Variants in RNF125 observed in about 807,000 individuals in gnomAD.
RNF125 encodes the protein ring finger protein 125, also known as E3 ubiquitin-protein ligase RNF125.
Under a neutral mutation model 26.0 loss-of-function variants are expected in RNF125, and 21 were observed. The observed-to-expected ratio is 0.81, with a 90% CI of 0.57 to 1.16. The LOEUF (loss-of-function observed/expected upper bound fraction) is 1.16, where lower values mean the gene tolerates loss of function less well. Ranked by LOEUF, RNF125 falls within the 50% of genes most tolerant of loss-of-function variation. The pLI is 0.00. For synonymous variants in RNF125, 95 were observed against 109.2 expected, an observed-to-expected ratio of 0.87 and a Z score of 0.81; for missense variants, 270 against 299.4, an observed-to-expected ratio of 0.90 and a Z score of 0.72.
chr18:32,041,620 C>CTTTTTTTTTTTTTTTTTTTT (rs60264747), intron 2 of RNF125, among the ~76,000 whole-genome samples: 1 of 93,280 alleles, frequency 1.1e-5, no homozygotes, highest in South Asian at 3.8e-4. Context: ...AATGTAGATG[C>CTTTTTTTTTTTTTTTTTTTT]TTTTTTTTTT....
At chr18:32,032,606 A>C (rs764392744) in intron 1 of RNF125, among the ~76,000 whole-genome samples, 5 of 152,122 alleles carry the variant, frequency 3.3e-5, no homozygotes, top group Non-Finnish European at 4.4e-5. Context: ...CAGTATTTCA[A>C]GCAGGACGTG....
intron 4 of RNF125, among the ~76,000 whole-genome samples, chr18:32,056,717 AAAG>A (rs1303268398): frequency 2.6e-5 from 4 of 151,976 alleles, no homozygotes; most frequent in South Asian, 4.1e-4. Flanking sequence ...AATTTAAAAA[AAAG>A]AGCAAAAGGA....
At chr18:32,052,552 G>A (rs2039339450) in intron 4 of RNF125, among the ~76,000 whole-genome samples, 1 of 151,438 alleles carries the variant, frequency 6.6e-6, no homozygotes, top group African/African-American at 2.4e-5. Flanking sequence ...TTACATAGGT[G>A]CCTGTGAATA....
intron 4 of RNF125, among the ~76,000 whole-genome samples, chr18:32,048,860 G>A (rs976302377): frequency 6.6e-6 from 1 of 152,144 alleles, no homozygotes; most frequent in Non-Finnish European, 1.5e-5. Context: ...GGGAGCTAGA[G>A]GAAGTTAGAA....
In RNF125 at chr18:32,021,758, A is replaced by G. The variant is rs180906023; in HGVS notation, c.164+2731A>G. ...TGAATATTATAATTTACCATTTACA[A>G]TATTTTTCCTTCTACTAAAGGATAA... On this transcript the variant is annotated intron_variant, in intron 1 of 5. Coordinates refer to ENST00000217740, the MANE Select transcript of RNF125 (RefSeq NM_017831.4). Among the ~76,000 whole-genome samples, 64 of 152,316 alleles carry G rather than the reference A, an allele frequency of 4.2e-4. 1 individual carries two copies. The highest frequency in any genetic ancestry group is 1.3e-3 in the African/African-American group (52 of 41,586).
the RNF125 span, among the ~76,000 whole-genome samples, chr18:32,087,230 C>T: frequency 6.6e-6 from 1 of 151,648 alleles, no homozygotes; most frequent in East Asian, 2.0e-4. Context: ...TTGCGGTTCC[C>T]AGAGCCCACT....
At position 32,071,150 on chromosome 18, in the gene RNF125, T is replaced by A. The variant is rs535089728; in HGVS notation, c.*2766T>A. ...TGCCCCCAGTTTTGTTTTGTTTTGT[T>A]TTGAGGAGGAATCTTGCTCTGTTGC... is the stretch of plus-strand genomic sequence containing the variant. On this transcript the variant is annotated 3_prime_UTR_variant, in exon 6 of 6. Coordinates refer to ENST00000217740, the MANE Select transcript of RNF125 (RefSeq NM_017831.4). 1 of 151,132 alleles carries A rather than the reference T, an allele frequency of 6.6e-6. No individual in the cohort carries two copies. The highest frequency in any genetic ancestry group is 2.0e-4 in the East Asian group (1 of 5,040). The allele number at this position is 151,132 out of a possible 1,614,324, so 9.4% of individuals were successfully genotyped here. A position where few individuals can be genotyped will look rare whatever the true frequency, so the allele number is the denominator to read the frequency against.
intron 4 of RNF125, among the ~76,000 whole-genome samples, chr18:32,050,852 T>TC (rs2039317471): frequency 1.5e-5 from 2 of 134,632 alleles, no homozygotes; most frequent in African/African-American, 6.7e-5. Flanking sequence ...AGCTAGTCTC[T>TC]CGGTCTAGAG....
intron 1 of RNF125, among the ~76,000 whole-genome samples, chr18:32,027,143 G>A (rs2039044353): frequency 6.6e-6 from 1 of 151,860 alleles, no homozygotes; most frequent in African/African-American, 2.4e-5. Flanking sequence ...ACATCTCCTG[G>A]GGTCTTGTTC....
At position 32,068,397 on chromosome 18, in the gene RNF125, G is replaced by A. The variant is rs1268668204; in HGVS notation, c.*13G>A. ...GAACACCACATAATTTTATTAAAAC[G>A]AAGGGAAAAGGGACCACTGAATTGC... On this transcript the variant is annotated 3_prime_UTR_variant, in exon 6 of 6. Transcript: ENST00000217740. 23 of 1,469,770 alleles carry A rather than the reference G, an allele frequency of 1.6e-5. No homozygotes were observed. The highest frequency in any genetic ancestry group is 2.0e-5 in the Non-Finnish European group (21 of 1,049,084). 91.0% of individuals were successfully genotyped at this position (1,469,770 alleles called of 1,614,324 possible). A position where few individuals can be genotyped will look rare whatever the true frequency, so the allele number is the denominator to read the frequency against.
chr18:32,054,802 CAA>C (rs1204460091), intron 4 of RNF125, among the ~76,000 whole-genome samples: 1 of 152,118 alleles, frequency 6.6e-6, no homozygotes, highest in African/African-American at 2.4e-5. Context: ...TACTGTGTGT[CAA>C]GTTATGCTAG....
intron 1 of RNF125, among the ~76,000 whole-genome samples, chr18:32,021,867 C>T (rs939215382): frequency 6.6e-6 from 1 of 152,178 alleles, no homozygotes; most frequent in African/African-American, 2.4e-5. Flanking sequence ...GAAAAATAGT[C>T]ATAAAATAGC....
downstream of RNF125, among the ~76,000 whole-genome samples, chr18:32,074,959 CTTAT>C (rs1205672148): frequency 1.3e-5 from 2 of 152,160 alleles, no homozygotes; most frequent in African/African-American, 4.8e-5. Context: ...ATTGTTCTTT[CTTAT>C]TTATTAACAA....
At chr18:32,079,679 GAAT>G in the RNF125 span, among the ~76,000 whole-genome samples, 1 of 152,198 alleles carries the variant, frequency 6.6e-6, no homozygotes, top group Non-Finnish European at 1.5e-5. Flanking sequence ...TGTTCTTAAT[GAAT>G]AATGTCTTCA....
At chr18:32,076,217 T>C (rs1196674122), downstream of RNF125, 4 of 468,168 alleles carry the variant, frequency 8.5e-6, no homozygotes, top group Admixed American at 1.1e-4. Flanking sequence ...TTTGCCTCTC[T>C]TTTTGGCATT....
At chr18:32,049,133 C>T (rs1374591458) in intron 4 of RNF125, among the ~76,000 whole-genome samples, 3 of 152,158 alleles carry the variant, frequency 2.0e-5, no homozygotes, top group African/African-American at 7.2e-5. Context: ...ACATGCTGCT[C>T]AGTTTGGCCC....
the RNF125 span, among the ~76,000 whole-genome samples, chr18:32,090,188 G>A: frequency 1.3e-5 from 2 of 152,228 alleles, no homozygotes. Context: ...GCAGGTTGAA[G>A]TGAGCTGAGA....
intron 1 of RNF125, among the ~76,000 whole-genome samples, chr18:32,022,402 TC>T (rs746977004): frequency 9.2e-5 from 14 of 152,188 alleles, no homozygotes; most frequent in Non-Finnish European, 1.8e-4. Flanking sequence ...TTGATTTTTT[TC>T]CCCTAAAGTT....
chr18:32,074,930 T>C (rs908973291), downstream of RNF125, among the ~76,000 whole-genome samples: 14 of 152,234 alleles, frequency 9.2e-5, no homozygotes, highest in South Asian at 2.1e-4. Context: ...AGACATAAGA[T>C]AGTGATTTCT....
Sources: allele counts gnomAD v4.1 joint callset (sites outside exome capture counted in the v4.1 genomes callset), GRCh38; gene constraint gnomAD v4.1.1; transcripts MANE v1.5; gene names NCBI Gene and HGNC (gene_info 2026-07-23, HGNC 2026-07-21).